RNF213: variants seen among roughly 807,000 people sequenced by gnomAD.
The protein encoded by RNF213 is E3 ubiquitin-protein ligase RNF213.
RNF213 carries 341 observed loss-of-function variants against 514.4 expected under a neutral mutation model. That is an observed-to-expected ratio of 0.66 (90% CI 0.61 to 0.73). The LOEUF is 0.73. Ranked by LOEUF, RNF213 falls within the 30% of genes least tolerant of loss-of-function variation. RNF213 has a pLI of 0.00. For missense variants in RNF213, 5,767 were observed against 6,615.6 expected (o/e 0.87, Z 4.45); for synonymous variants, 2,655 against 2,658.2 (o/e 1.00, Z 0.04).
intron 49 of RNF213, among the ~76,000 whole-genome samples, chr17:80,373,772 G>A (rs987484043): frequency 2.0e-5 from 3 of 152,102 alleles, no homozygotes; most frequent in Admixed American, 6.5e-5. Context: ...CGAGGCAGGC[G>A]GATCACTTGT....
At chr17:80,287,399 A>G (rs1298476962) in intron 3 of RNF213, among the ~76,000 whole-genome samples, 1 of 152,190 alleles carries the variant, frequency 6.6e-6, no homozygotes, top group Non-Finnish European at 1.5e-5. Flanking sequence ...GCTACTCAAG[A>G]GGTTGATGGG....
At chr17:80,313,935 A>C (rs61724379) in intron 15 of RNF213, among the ~76,000 whole-genome samples, 478 of 1,374 alleles carry the variant, frequency 0.35, 144 homozygotes, top group South Asian at 0.45. Context: ...GGTGGAGGTA[A>C]TGGAGGTGAT....
At position 80,266,313 on chromosome 17, in the gene RNF213, C is replaced by T. The variant is rs2043610492; in HGVS notation, c.97+2535C>T. 2.0e-5 allele frequency among the ~76,000 whole-genome samples: 3 copies of T among 151,316 alleles called. No homozygotes were observed. In the South Asian group the frequency reaches 6.3e-4, roughly 32 times the overall value. ...AAAGAAAAAAAAATACAAGAATTAG[C>T]TGGAGCAGGAGGATCACTTGAGCCT... On this transcript the variant is annotated intron_variant, in intron 2 of 67. Transcript: ENST00000582970.
chr17:80,381,415 T>C, intron 56 of RNF213, 132 bp from the exon 57 acceptor site: 1 of 926,106 alleles, frequency 1.1e-6, no homozygotes, highest in Non-Finnish European at 1.8e-6. Flanking sequence ...CCTGGATCAC[T>C]CCGCCGTTTT....
At chr17:80,339,093 C>A in intron 25 of RNF213, 108 bp from the exon 26 acceptor site, 3 of 870,142 alleles carry the variant, frequency 3.4e-6, no homozygotes, top group Non-Finnish European at 5.1e-6. Context: ...ATGCAGTGGG[C>A]CTGTGGACAG....
At position 80,339,941 on chromosome 17, in the gene RNF213, T is replaced by C; in HGVS notation, c.5574T>C (p.Thr1858=). The change falls in exon 26 of 68, where the codon ACT becomes ACC. Residue 1858 remains threonine, a synonymous_variant. Transcript: ENST00000582970. ...AAACCCCAAGCCAGCCCCTGCCCAC[T>C]TACGATGAGGTGCTGCTCTGCACCC... ...YMQTPSQPLP[T]YDEVLLCTPA... is the part of the protein sequence containing the mutation. The C allele has an allele frequency of 6.5e-7, 1 of 1,536,854 alleles. No homozygotes were observed. Among genetic ancestry groups the C allele is most frequent in the Non-Finnish European group, 8.7e-7 (1 of 1,146,866 alleles).
intron 3 of RNF213, among the ~76,000 whole-genome samples, chr17:80,277,805 C>T (rs1237057865): frequency 2.0e-5 from 3 of 152,178 alleles, no homozygotes; most frequent in Non-Finnish European, 2.9e-5. Flanking sequence ...GCAGACGCCG[C>T]ATTCTAACCA....
In RNF213 at chr17:80,279,342, T is replaced by C. The variant is rs111751548; in HGVS notation, c.261+5938T>C. ...AGGCAGGTGGGGGCCCGACCCAGCC[T>C]CTGCCTGAACACAAGGTCTTGGATG... is the stretch of plus-strand genomic sequence containing the variant. On this transcript the variant is annotated intron_variant, in intron 3 of 67. Coordinates refer to ENST00000582970, the MANE Select transcript of RNF213 (RefSeq NM_001256071.3). Among the ~76,000 whole-genome samples the C allele has an allele frequency of 3.2e-3, 480 of 152,260 alleles. 3 individuals carry two copies. Among genetic ancestry groups the C allele is most frequent in the African/African-American group, 0.011 (461 of 41,570 alleles).
chr17:80,353,258 G>A lies in RNF213; in HGVS notation c.10423+199G>A, dbSNP rs2144226430. On this transcript the variant is annotated intron_variant, in intron 33 of 67. Transcript: ENST00000582970. This position sits in a 1 kb window ranked among gnomAD's most constrained non-coding sequence, Gnocchi z 5.0. ...CGAGCAGGTGCGCTTACCACAGGCT[G>A]AGGTAGAGCTCTGTGAGCAGGCCAG... 15 of 819,248 alleles carry A rather than the reference G, an allele frequency of 1.8e-5. No individual in the cohort carries two copies. In the South Asian group the frequency reaches 2.3e-4, roughly 12 times the overall value. 50.7% of individuals were successfully genotyped at this position (819,248 alleles called of 1,614,324 possible). A position where few individuals can be genotyped will look rare whatever the true frequency, so the allele number is the denominator to read the frequency against.
In RNF213 at chr17:80,294,495, G is replaced by A. The variant is rs12937242; in HGVS notation, c.1472-225G>A. 0.19 allele frequency among the ~76,000 whole-genome samples: 28,889 copies of A among 152,122 alleles called. 2,937 individuals carry two copies. The highest frequency in any genetic ancestry group is 0.25 in the African/African-American group (10,260 of 41,486). ...CCCTGGGCTTTCCACTCATTACTGT[G>A]GGACGTCTAGGATGTCTGTTTGCAC... is the stretch of plus-strand genomic sequence containing the variant. On this transcript the variant is annotated intron_variant, in intron 8 of 67. Coordinates refer to ENST00000582970, the MANE Select transcript of RNF213 (RefSeq NM_001256071.3).
At chr17:80,308,274 C>T (rs1389133422) in intron 13 of RNF213, among the ~76,000 whole-genome samples, 1 of 152,100 alleles carries the variant, frequency 6.6e-6, no homozygotes, top group African/African-American at 2.4e-5. Flanking sequence ...ATCCCCCCCA[C>T]AAGCTCCCTA....
In RNF213 at chr17:80,340,057, C is replaced by T; in HGVS notation, c.5690C>T (p.Ala1897Val). Residue 1897 changes from alanine (A) to valine (V), a missense_variant, in exon 26 of 68, where the codon GCA becomes GTA. This residue lies in a region of RNF213 where 1,377 missense variants were observed against 1,635.2 expected (regional missense o/e 0.84). Transcript: ENST00000582970. ...LGHKVYSLLF[A>V]DQLSYEVARQ... is the part of the protein sequence containing the mutation. ...CACAAGGTCTACAGCCTGCTGTTCG[C>T]AGATCAGCTGAGCTACGAGGTGGCA... is the stretch of plus-strand genomic sequence containing the variant. 1 of 1,571,620 alleles carries T rather than the reference C, an allele frequency of 6.4e-7. No individual in the cohort carries two copies. Among genetic ancestry groups the T allele is most frequent in the Non-Finnish European group, 8.6e-7 (1 of 1,162,608 alleles).
intron 52 of RNF213, 79 bp from the exon 53 acceptor site, chr17:80,376,803 T>C: frequency 7.7e-7 from 1 of 1,301,948 alleles, no homozygotes; most frequent in Non-Finnish European, 1.1e-6. Context: ...CCTTTCTTCC[T>C]CTAGGCCTCC....
chr17:80,292,083 A>G (rs1479179411), intron 8 of RNF213: 4 of 560,486 alleles, frequency 7.1e-6, no homozygotes, highest in Non-Finnish European at 1.3e-5. Context: ...GAAACATGCA[A>G]AGGACTTTTT....
In RNF213 at chr17:80,353,956, G is replaced by A. The variant is rs1018253993; in HGVS notation, c.10579-63G>A. ...ATTGAGACCCTCATCGCATACGGGC[G>A]GTTTGGCTTTTGCCCACTGTGTCAG... On this transcript the variant is annotated intron_variant, in intron 34 of 67. Coordinates refer to ENST00000582970, the MANE Select transcript of RNF213 (RefSeq NM_001256071.3). This position sits in a 1 kb window ranked among gnomAD's most constrained non-coding sequence, Gnocchi z 5.0. 6.2e-6 allele frequency: 10 copies of A among 1,604,562 alleles called. No individual in the cohort carries two copies. Among genetic ancestry groups the A allele is most frequent in the Middle Eastern group, 1.6e-4 (1 of 6,072 alleles).
rs1207670601 is a variant in RNF213, at chr17:80,315,497, G to C, written c.2812-1691G>C. Among the ~76,000 whole-genome samples the C allele has an allele frequency of 2.9e-4, 2 of 6,828 alleles. 1 individual carries two copies. The highest frequency in any genetic ancestry group is 5.8e-4 in the Non-Finnish European group (2 of 3,466). 4.5% of individuals were successfully genotyped at this position (6,828 alleles called of 152,430 possible). On this transcript the variant is annotated intron_variant, in intron 15 of 67. Coordinates refer to ENST00000582970, the MANE Select transcript of RNF213 (RefSeq NM_001256071.3). ...TGGAGGTAATGGAGGTGGTGGTGGT[G>C]GTGGTGGTGGAGGTACTGGAGGTGA...
At position 80,393,347 on chromosome 17, in the gene RNF213, TGA is replaced by T; in HGVS notation, c.15478_15479del (p.Asp5160HisfsTer9). ...TGCTCTCTTCTTTGGTTTTTCAGCC[TGA>T]GAGACACTCTCGTAAGTTACATGCA... On this transcript the variant is annotated frameshift_variant, in exon 68 of 68. Transcript: ENST00000582970. LOFTEE classifies it low-confidence loss of function (END_TRUNC). 1 of 1,613,898 alleles carries T rather than the reference TGA, an allele frequency of 6.2e-7. No homozygotes were observed. Among genetic ancestry groups the T allele is most frequent in the Non-Finnish European group, 8.5e-7 (1 of 1,179,910 alleles).
chr17:80,317,964 C>T lies in RNF213; in HGVS notation c.2901+687C>T, dbSNP rs527776870. On this transcript the variant is annotated intron_variant, in intron 16 of 67. Coordinates refer to ENST00000582970, the MANE Select transcript of RNF213 (RefSeq NM_001256071.3). The surrounding 1 kb of genome is among the most constrained non-coding windows in gnomAD (Gnocchi z 4.1). ...ATTTTATTAAGCAATGGAAATGGCT[C>T]TCCATGGAGAGGGGAGCTGGAGAGG... Among the ~76,000 whole-genome samples, 1 of 152,238 alleles carries T rather than the reference C, an allele frequency of 6.6e-6. No individual in the cohort carries two copies. Among genetic ancestry groups the T allele is most frequent in the African/African-American group, 2.4e-5 (1 of 41,560 alleles).
Position 80,347,594 on chromosome 17 carries a change from A to G in RNF213, c.9259A>G (p.Ile3087Val), listed in dbSNP as rs761653011. 6.2e-7 allele frequency: 1 copy of G among 1,614,024 alleles called. No individual in the cohort carries two copies. The highest frequency in any genetic ancestry group is 1.3e-5 in the African/African-American group (1 of 74,922). Residue 3087 changes from isoleucine to valine, a missense_variant, in exon 29 of 68, where the codon ATC (isoleucine) becomes GTC (valine). Transcript: ENST00000582970. The surrounding 1 kb of genome is among the most constrained non-coding windows in gnomAD (Gnocchi z 7.2). ...DQEYTQLCRN[I>V]NRVKICMETG... is the part of the protein sequence containing the mutation. ...AGAGTACACCCAGCTCTGCAGAAAC[A>G]TCAATCGTGTGAAGATCTGCATGGA...
Sources: allele counts gnomAD v4.1 joint callset (sites outside exome capture counted in the v4.1 genomes callset), GRCh38; gene constraint gnomAD v4.1.1; regional missense constraint gnomAD v4.1.1; non-coding constraint Gnocchi (gnomAD v3.1); transcripts MANE v1.5; gene names NCBI Gene and HGNC (gene_info 2026-07-23, HGNC 2026-07-21).